The following RNF220 variants were observed in gnomAD, a reference collection of about 807,000 sequenced individuals.
RNF220 encodes the protein ring finger protein 220, also known as E3 ubiquitin-protein ligase RNF220.
Under a neutral mutation model 67.1 loss-of-function variants are expected in RNF220, and 7 were observed. That is an observed-to-expected ratio of 0.10 (90% CI 0.06 to 0.20). RNF220 has a LOEUF of 0.20. Ranked by LOEUF, RNF220 falls within the 10% of genes least tolerant of loss-of-function variation. The pLI is 1.00. For synonymous variants in RNF220, 270 were observed against 283.2 expected (o/e 0.95, Z 0.47); for missense variants, 565 against 740.3 (o/e 0.76, Z 2.75).
intron 2 of RNF220, among the ~76,000 whole-genome samples, chr1:44,502,602 A>G (rs1313764432): frequency 6.6e-6 from 1 of 152,164 alleles, no homozygotes; most frequent in Non-Finnish European, 1.5e-5. Flanking sequence ...CCCTGCCCTG[A>G]AGGAGCTTAT....
At chr1:44,627,871 C>T (rs536733817) in intron 5 of RNF220, among the ~76,000 whole-genome samples, 1 of 152,368 alleles carries the variant, frequency 6.6e-6, no homozygotes, top group East Asian at 1.9e-4. Context: ...GCTGACACAG[C>T]CTGGCCTGGC....
chr1:44,627,849 C>G (rs748911429), intron 5 of RNF220, among the ~76,000 whole-genome samples: 1 of 152,236 alleles, frequency 6.6e-6, no homozygotes, highest in Non-Finnish European at 1.5e-5. Context: ...TTCTCTGCAC[C>G]CCTTCCTTCC....
At chr1:44,582,530 G>A (rs1665370935) in intron 2 of RNF220, among the ~76,000 whole-genome samples, 1 of 152,182 alleles carries the variant, frequency 6.6e-6, no homozygotes, top group African/African-American at 2.4e-5. Flanking sequence ...GCCGAGGCAG[G>A]TGGATCACTT....
At position 44,651,104 on chromosome 1, in the gene RNF220, C is replaced by A; in HGVS notation, c.*329C>A. ...AAGATCCAGCCCCCATACTGACAGA[C>A]GGACAGACAGACATGCAAACACCAG... On this transcript the variant is annotated 3_prime_UTR_variant, in exon 15 of 15. Coordinates refer to ENST00000361799, the MANE Select transcript of RNF220 (RefSeq NM_018150.4). The A allele has an allele frequency of 2.5e-6, 1 of 400,480 alleles. No individual in the cohort carries two copies. The highest frequency in any genetic ancestry group is 4.8e-6 in the Non-Finnish European group (1 of 209,704). The allele number at this position is 400,480 out of a possible 1,614,324, so 24.8% of individuals were successfully genotyped here.
At chr1:44,517,133 A>ATCTG (rs1274986851) in intron 2 of RNF220, among the ~76,000 whole-genome samples, 2 of 152,182 alleles carry the variant, frequency 1.3e-5, no homozygotes, top group East Asian at 3.8e-4. Context: ...AGGCATCAGC[A>ATCTG]TCTGTCCTCT....
At position 44,405,405 on chromosome 1, in the gene RNF220, C is replaced by T; in HGVS notation, c.-243C>T. ...GCTGCTGCTGCTGCTGCCGCTGCCG[C>T]CGCCGCCGCCGCCGCTGCCTCCGCC... On this transcript the variant is annotated 5_prime_UTR_variant, in exon 1 of 15. Coordinates refer to ENST00000361799, the MANE Select transcript of RNF220 (RefSeq NM_018150.4). 1.6e-6 allele frequency: 1 copy of T among 630,188 alleles called. No individual in the cohort carries two copies. The highest frequency in any genetic ancestry group is 2.4e-5 in the Admixed American group (1 of 41,302). The allele number at this position is 630,188 out of a possible 1,614,324, so 39.0% of individuals were successfully genotyped here. A position where few individuals can be genotyped will look rare whatever the true frequency, so the allele number is the denominator to read the frequency against.
rs939571912 is a variant in RNF220 at position 44,417,663 on chromosome 1, C to G, written c.625+4941C>G. Among the ~76,000 whole-genome samples the G allele has an allele frequency of 2.0e-4, 31 of 152,218 alleles. No individual in the cohort carries two copies. Among genetic ancestry groups the G allele is most frequent in the African/African-American group, 7.5e-4 (31 of 41,526 alleles). On this transcript the variant is annotated intron_variant, in intron 2 of 14. Coordinates refer to ENST00000361799, the MANE Select transcript of RNF220 (RefSeq NM_018150.4). The surrounding 1 kb of genome is among the most constrained non-coding windows in gnomAD (Gnocchi z 4.0). ...GCCCTCCCTCCCATCAATTGTCATG[C>G]AGAAGTGATCCGGGCTGCCGTTTTC...
At chr1:44,411,002 T>C (rs1647904339) in intron 1 of RNF220, among the ~76,000 whole-genome samples, 1 of 152,242 alleles carries the variant, frequency 6.6e-6, no homozygotes, top group Non-Finnish European at 1.5e-5. Flanking sequence ...CGGGGGCCTT[T>C]ATTGGACATC....
At chr1:44,449,648 A>G (rs1258804419) in intron 2 of RNF220, among the ~76,000 whole-genome samples, 4 of 152,102 alleles carry the variant, frequency 2.6e-5, no homozygotes, top group Non-Finnish European at 5.9e-5. Flanking sequence ...TCCTAGACTC[A>G]TGTGATCCGC....
chr1:44,601,107 C>T (rs550692197), intron 2 of RNF220, among the ~76,000 whole-genome samples: 73 of 152,218 alleles, frequency 4.8e-4, no homozygotes, highest in Middle Eastern at 6.8e-3. Context: ...CCCTAGACCC[C>T]GGTATATTGC....
At chr1:44,457,685 C>G (rs1001124060) in intron 2 of RNF220, among the ~76,000 whole-genome samples, 4 of 151,972 alleles carry the variant, frequency 2.6e-5, no homozygotes, top group Non-Finnish European at 5.9e-5. Flanking sequence ...TAGGGCTGTT[C>G]CATGTCTGAA....
rs1178789417 is a variant in RNF220 at position 44,622,749 on chromosome 1, T to C, written c.766T>C (p.Ser256Pro). 8.1e-6 allele frequency: 13 copies of C among 1,614,054 alleles called. No individual in the cohort carries two copies. Among genetic ancestry groups the C allele is most frequent in the Non-Finnish European group, 1.1e-5 (13 of 1,179,950 alleles). Residue 256 changes from serine (S) to proline (P), a missense_variant, in exon 4 of 15, where the codon TCC becomes CCC. Coordinates refer to ENST00000361799, the MANE Select transcript of RNF220 (RefSeq NM_018150.4). This position sits in a 1 kb window ranked among gnomAD's most constrained non-coding sequence, Gnocchi z 4.3. Reference sequence around the variant, plus strand: ...TCTCTTCTTTCTTGGCAGCAAGAATTCCCTTCTGAAGGATGCCATGGCTCC... The same window carrying C: ...TCTCTTCTTTCTTGGCAGCAAGAATCCCCTTCTGAAGGATGCCATGGCTCC... Reference protein sequence around the residue: ...QLAQLPSSKNSLLKDAMAPGT... With the variant: ...QLAQLPSSKNPLLKDAMAPGT...
At chr1:44,580,540 T>C (rs1223766344) in intron 2 of RNF220, among the ~76,000 whole-genome samples, 2 of 152,032 alleles carry the variant, frequency 1.3e-5, no homozygotes, top group African/African-American at 2.4e-5. Flanking sequence ...TCCAGGGAAA[T>C]AGATTTTAGC....
chr1:44,547,859 C>T (rs185702336), intron 2 of RNF220, among the ~76,000 whole-genome samples: 1 of 152,284 alleles, frequency 6.6e-6, no homozygotes, highest in East Asian at 1.9e-4. Flanking sequence ...CTCAGTTATC[C>T]AGTCATGAGA....
intron 2 of RNF220, among the ~76,000 whole-genome samples, chr1:44,453,405 A>G (rs1454195809): frequency 6.6e-6 from 1 of 152,124 alleles, no homozygotes; most frequent in African/African-American, 2.4e-5. Flanking sequence ...TATGGTGAAT[A>G]TTCTTAACAA....
chr1:44,594,178 G>A (rs1666307242), intron 2 of RNF220, among the ~76,000 whole-genome samples: 1 of 152,142 alleles, frequency 6.6e-6, no homozygotes, highest in Non-Finnish European at 1.5e-5. Flanking sequence ...TACCCAGAAG[G>A]GCCAGGCAGT....
chr1:44,580,995 A>G (rs966847062), intron 2 of RNF220, among the ~76,000 whole-genome samples: 1 of 152,230 alleles, frequency 6.6e-6, no homozygotes. Context: ...GCCCAGAGCC[A>G]GAGTCTGGGC....
chr1:44,536,269 G>C (rs1467313068), intron 2 of RNF220, among the ~76,000 whole-genome samples: 1 of 152,168 alleles, frequency 6.6e-6, no homozygotes, highest in South Asian at 2.1e-4. Context: ...TTGCAAGAAC[G>C]ACGCATCTCC....
intron 2 of RNF220, among the ~76,000 whole-genome samples, chr1:44,439,624 A>G (rs1298984918): frequency 1.3e-5 from 2 of 151,980 alleles, no homozygotes; most frequent in Non-Finnish European, 2.9e-5. Context: ...TTAAGTTTTT[A>G]CTTTTTAACA....
Sources: allele counts gnomAD v4.1 joint callset (sites outside exome capture counted in the v4.1 genomes callset), GRCh38; gene constraint gnomAD v4.1.1; non-coding constraint Gnocchi (gnomAD v3.1); transcripts MANE v1.5; gene names NCBI Gene and HGNC (gene_info 2026-07-23, HGNC 2026-07-21).